Variants in KAZN observed in about 807,000 individuals in gnomAD.
KAZN encodes the protein kazrin, periplakin interacting protein.
Under a neutral mutation model 87.4 loss-of-function variants are expected in KAZN, and 40 were observed. That is an observed-to-expected ratio of 0.46 (90% CI 0.36 to 0.60). KAZN has a LOEUF of 0.60. Among genes scored for constraint, KAZN ranks in the 20% least tolerant of loss-of-function variants. The probability of loss-of-function intolerance (pLI) is 0.00; values close to 1 mark genes in which losing one functional copy is unlikely to be tolerated. For missense variants in KAZN, 898 were observed against 1,073.9 expected (o/e 0.84, Z 2.29); for synonymous variants, 466 against 458.3 (o/e 1.02, Z -0.22).
intron 8 of KAZN, among the ~76,000 whole-genome samples, chr1:15,071,392 C>T (rs1475988254): frequency 6.6e-6 from 1 of 152,142 alleles, no homozygotes; most frequent in African/African-American, 2.4e-5. Flanking sequence ...GCTGGGACTA[C>T]AAGCATGCAT....
chr1:14,352,440 A>G (rs745945153), intron 2 of KAZN, among the ~76,000 whole-genome samples: 2 of 152,220 alleles, frequency 1.3e-5, no homozygotes, highest in Non-Finnish European at 2.9e-5. Context: ...TTCATTTTCT[A>G]CAGTAAAATT....
chr1:15,037,688 C>T (rs1055662097), intron 3 of KAZN, among the ~76,000 whole-genome samples: 16 of 152,166 alleles, frequency 1.1e-4, no homozygotes, highest in Non-Finnish European at 1.8e-4. Context: ...GCCGGCCCCT[C>T]ACCTGCCACT....
In KAZN at chr1:14,804,943, A is replaced by G. The variant is rs114571208; in HGVS notation, c.227-155741A>G. Among the ~76,000 whole-genome samples, 18 of 152,290 alleles carry G rather than the reference A, an allele frequency of 1.2e-4. 1 individual carries two copies. Among genetic ancestry groups the G allele is most frequent in the African/African-American group, 4.3e-4 (18 of 41,558 alleles). ...CAGCTTGGCATGCCCGTGGTCTGCC[A>G]TGTTCATTTTGTTGACATTTAATTA... On this transcript the variant is annotated intron_variant, in intron 1 of 14. Coordinates refer to ENST00000376030, the MANE Select transcript of KAZN (RefSeq NM_201628.3).
intron 1 of KAZN, among the ~76,000 whole-genome samples, chr1:13,947,691 C>T (rs2100987923): frequency 6.6e-6 from 1 of 152,290 alleles, no homozygotes; most frequent in South Asian, 2.1e-4. Flanking sequence ...GTTTTGGAGG[C>T]TGGAAGTCTC....
intron 1 of KAZN, among the ~76,000 whole-genome samples, chr1:14,616,990 T>A (rs1378243050): frequency 6.6e-6 from 1 of 152,176 alleles, no homozygotes; most frequent in African/African-American, 2.4e-5. Flanking sequence ...TCAGTGAGTG[T>A]CATGAGCCAC....
At chr1:14,108,768 C>A (rs940043062) in intron 1 of KAZN, among the ~76,000 whole-genome samples, 2 of 152,164 alleles carry the variant, frequency 1.3e-5, no homozygotes, top group African/African-American at 4.8e-5. Context: ...AACACTCCCC[C>A]AAGCATGCAC....
intron 2 of KAZN, among the ~76,000 whole-genome samples, chr1:14,549,409 C>A (rs1673362443): frequency 6.6e-6 from 1 of 152,152 alleles, no homozygotes. Flanking sequence ...GAGAGGAAGT[C>A]CCTTCCCAAA....
In KAZN at chr1:15,103,374, C is replaced by G; in HGVS notation, c.1795C>G (p.Arg599Gly). The G allele has an allele frequency of 6.4e-7, 1 of 1,551,632 alleles. No homozygotes were observed. ...TCCCCACAAGGCCCTCCAGGAGCGC[C>G]GGGCCCGCTGCGAGACGCAGAACAT... ...NFSREALQER[R>G]ARCETQNIDP... is the part of the protein sequence containing the mutation. The change falls in exon 12 of 15, where the codon CGG (arginine) becomes GGG (glycine). Residue 599 changes from arginine (R) to glycine (G), a missense_variant. This residue lies in a region of KAZN where 521 missense variants were observed against 689.4 expected (regional missense o/e 0.76). Coordinates refer to ENST00000376030, the MANE Select transcript of KAZN (RefSeq NM_201628.3).
intron 2 of KAZN, among the ~76,000 whole-genome samples, chr1:14,211,658 A>G (rs1646855788): frequency 6.6e-6 from 1 of 152,162 alleles, no homozygotes; most frequent in Non-Finnish European, 1.5e-5. Flanking sequence ...GATTAATTGA[A>G]TGTTCCAGGA....
rs187410992 is a variant in KAZN, at chr1:14,794,839, C to G, written c.227-165845C>G. On this transcript the variant is annotated intron_variant, in intron 1 of 14. Coordinates refer to ENST00000376030, the MANE Select transcript of KAZN (RefSeq NM_201628.3). ...AGTGGACTGGGCAAGGCAGACCCAC[C>G]CTCAATCTGTGTGGGCACCATCTAA... Among the ~76,000 whole-genome samples, 617 of 152,224 alleles carry G rather than the reference C, an allele frequency of 4.1e-3. 3 individuals are homozygous for G. Among genetic ancestry groups the G allele is most frequent in the African/African-American group, 0.014 (598 of 41,536 alleles).
intron 2 of KAZN, among the ~76,000 whole-genome samples, chr1:14,213,840 G>T (rs536110588): frequency 6.6e-6 from 1 of 152,326 alleles, no homozygotes; most frequent in South Asian, 2.1e-4. Context: ...TAGTGGCTCA[G>T]ATTAGCACAG....
intron 8 of KAZN, among the ~76,000 whole-genome samples, chr1:15,071,917 C>T (rs1278323446): frequency 6.6e-6 from 1 of 152,176 alleles, no homozygotes; most frequent in East Asian, 1.9e-4. Context: ...CAGTAAGTAG[C>T]TGTTAATCGC....
intron 2 of KAZN, among the ~76,000 whole-genome samples, chr1:14,482,678 G>T (rs1460924361): frequency 6.6e-6 from 1 of 152,114 alleles, no homozygotes; most frequent in African/African-American, 2.4e-5. Flanking sequence ...GGCGGGTGAG[G>T]GGTCTTTATG....
chr1:14,024,242 C>T (rs1640972943), intron 1 of KAZN, among the ~76,000 whole-genome samples: 1 of 152,208 alleles, frequency 6.6e-6, no homozygotes, highest in Non-Finnish European at 1.5e-5. Flanking sequence ...AAATGCCTGA[C>T]AACATGGAAG....
rs116606346 is a variant in KAZN at position 14,574,300 on chromosome 1, C to A, written c.250-24683C>A. Among the ~76,000 whole-genome samples, 660 of 152,300 alleles carry A rather than the reference C, an allele frequency of 4.3e-3. 7 individuals carry two copies. Among genetic ancestry groups the A allele is most frequent in the African/African-American group, 0.015 (625 of 41,564 alleles). On this transcript the variant is annotated intron_variant, in intron 2 of 16. Transcript: ENST00000636203. ...TTTCTTACAAATCCAGACAAGTAAT[C>A]TCTGTCTGCAGGGAGCTCTGCCTAC...
intron 2 of KAZN, among the ~76,000 whole-genome samples, chr1:14,342,570 A>C (rs1657810659): frequency 6.6e-6 from 1 of 152,252 alleles, no homozygotes; most frequent in Non-Finnish European, 1.5e-5. Flanking sequence ...CAATAAATGA[A>C]TGCTATGAGA....
At chr1:13,923,465 G>C (rs34338528) in intron 1 of KAZN, among the ~76,000 whole-genome samples, 25,786 of 151,030 alleles carry the variant, frequency 0.17, 2,360 homozygotes, top group Non-Finnish European at 0.22. Context: ...CCCAGCTACT[G>C]GGGAGGCTGA....
rs1263541111 is a variant in KAZN at position 15,044,100 on chromosome 1, C to T, written c.667C>T (p.Arg223Cys). 5.6e-6 allele frequency: 9 copies of T among 1,612,176 alleles called. No homozygotes were observed. Among genetic ancestry groups the T allele is most frequent in the South Asian group, 2.2e-5 (2 of 90,876 alleles). ...KEATDHATAL[R>C]SQLDLKDNRM... is the part of the protein sequence containing the mutation. ...GGCCACAGACCACGCCACGGCACTG[C>T]GCTCCCAGCTGGACCTCAAGGACAA... is the stretch of plus-strand genomic sequence containing the variant. Residue 223 changes from arginine to cysteine, a missense_variant, in exon 4 of 15, where the codon CGC becomes TGC. Arg to Cys is a radical substitution (Grantham distance 180, BLOSUM62 -3). Coordinates refer to ENST00000376030, the MANE Select transcript of KAZN (RefSeq NM_201628.3).
chr1:14,156,910 G>GTT (rs200937006), intron 1 of KAZN, among the ~76,000 whole-genome samples: 49 of 122,484 alleles, frequency 4.0e-4, no homozygotes, highest in Non-Finnish European at 5.5e-4. Context: ...GTGGTCTTTT[G>GTT]TTTTTTTTTT....
Sources: gnomAD v4.1 joint callset for allele counts (sites outside exome capture counted in the v4.1 genomes callset) on GRCh38, gnomAD v4.1.1 for gene constraint, gnomAD v4.1.1 regional missense constraint, MANE v1.5 for transcripts, NCBI Gene and HGNC (gene_info 2026-07-23, HGNC 2026-07-21) for gene names.